DLG2: variants seen among roughly 807,000 people sequenced by gnomAD.
The protein encoded by DLG2 is discs large MAGUK scaffold protein 2.
DLG2 carries 45 observed loss-of-function variants against 132.5 expected under a neutral mutation model. The ratio of observed to expected loss-of-function variants is 0.34; its 90% confidence interval spans 0.27 to 0.44. The LOEUF (loss-of-function observed/expected upper bound fraction) is 0.44. Ranked by LOEUF, DLG2 falls within the 20% of genes least tolerant of loss-of-function variation. DLG2 has a pLI of 1.00. For synonymous variants in DLG2, 424 were observed against 419.6 expected, an observed-to-expected ratio of 1.01 and a Z score of -0.13; for missense variants, 1,045 against 1,196.9, an observed-to-expected ratio of 0.87 and a Z score of 1.87.
intron 6 of DLG2, among the ~76,000 whole-genome samples, chr11:84,731,749 G>T (rs1395404739): frequency 6.6e-6 from 1 of 151,886 alleles, no homozygotes; most frequent in Non-Finnish European, 1.5e-5. Flanking sequence ...AACTACAGAA[G>T]AAATATTTTA....
intron 2 of DLG2, among the ~76,000 whole-genome samples, chr11:85,620,235 A>G (rs147554952): frequency 4.2e-4 from 64 of 152,286 alleles, no homozygotes; most frequent in African/African-American, 1.5e-3. Flanking sequence ...ATACCCACAT[A>G]AGACAGCAAA....
intron 16 of DLG2, among the ~76,000 whole-genome samples, chr11:83,871,741 C>T (rs2063488933): frequency 6.6e-6 from 1 of 152,132 alleles, no homozygotes; most frequent in South Asian, 2.1e-4. Context: ...CTAAATATTT[C>T]AGTAATGCTA....
At chr11:84,770,907 C>A (rs2069253835) in intron 6 of DLG2, among the ~76,000 whole-genome samples, 1 of 151,928 alleles carries the variant, frequency 6.6e-6, no homozygotes. Context: ...CCACCTTGGC[C>A]TCCCATAGTG....
chr11:84,206,615 A>T (rs2096668866), intron 8 of DLG2, among the ~76,000 whole-genome samples: 1 of 152,074 alleles, frequency 6.6e-6, no homozygotes. Flanking sequence ...GTAACTCAAC[A>T]TACTAATAAT....
intron 6 of DLG2, among the ~76,000 whole-genome samples, chr11:84,899,656 T>C (rs1043728501): frequency 3.9e-5 from 6 of 152,036 alleles, no homozygotes; most frequent in African/African-American, 1.4e-4. Flanking sequence ...AGCTACCCCA[T>C]AATCTATTCC....
intron 7 of DLG2, among the ~76,000 whole-genome samples, chr11:84,350,284 T>C (rs184842923): frequency 1.3e-5 from 2 of 151,870 alleles, no homozygotes; most frequent in South Asian, 4.2e-4. Flanking sequence ...AGGGGCTTCA[T>C]GAACCTCTTG....
intron 14 of DLG2, among the ~76,000 whole-genome samples, chr11:83,935,174 G>T (rs1199714073): frequency 6.6e-6 from 1 of 152,144 alleles, no homozygotes; most frequent in African/African-American, 2.4e-5. Context: ...GACGTCAAGG[G>T]CTCAGATGCC....
rs187414017 is a variant in DLG2 at position 84,083,608 on chromosome 11, G to T, written c.749+15315C>A. The stretch of plus-strand genomic sequence containing the variant: ...CAGTGGTTAGTTATTTAGAGAGAAG[G>T]TGGTTATAAAGCAAGTCTGGCCTAT... On this transcript the variant is annotated intron_variant, in intron 10 of 27. Coordinates refer to ENST00000376104, the MANE Select transcript of DLG2 (RefSeq NM_001142699.3). 1.8e-4 allele frequency among the ~76,000 whole-genome samples: 27 copies of T among 152,246 alleles called. No individual in the cohort carries two copies. The East Asian group carries it at 4.1e-3, about 23-fold the overall frequency.
intron 6 of DLG2, among the ~76,000 whole-genome samples, chr11:84,777,662 C>T (rs1161722079): frequency 6.6e-6 from 1 of 151,974 alleles, no homozygotes; most frequent in African/African-American, 2.4e-5. Context: ...AACAGCCATT[C>T]TGACTGGGGT....
intron 6 of DLG2, among the ~76,000 whole-genome samples, chr11:85,093,952 A>G (rs185758998): frequency 6.6e-6 from 1 of 152,318 alleles, no homozygotes; most frequent in Non-Finnish European, 1.5e-5. Context: ...AGACAATAAC[A>G]AGGTATAATA....
At chr11:84,815,064 G>GA (rs1376027626) in intron 6 of DLG2, among the ~76,000 whole-genome samples, 1 of 152,060 alleles carries the variant, frequency 6.6e-6, no homozygotes, top group Non-Finnish European at 1.5e-5. Flanking sequence ...CAAAGGTGGA[G>GA]AGCAAGACAG....
At chr11:84,096,312 T>A (rs2097164591) in intron 10 of DLG2, among the ~76,000 whole-genome samples, 1 of 152,136 alleles carries the variant, frequency 6.6e-6, no homozygotes, top group Non-Finnish European at 1.5e-5. Flanking sequence ...CACAATGTCC[T>A]GCACATGATA....
At chr11:84,457,560 G>A (rs1382973634) in intron 7 of DLG2, among the ~76,000 whole-genome samples, 1 of 150,968 alleles carries the variant, frequency 6.6e-6, no homozygotes, top group African/African-American at 2.4e-5. Context: ...AATACACCAG[G>A]GATTTTAGTA....
intron 6 of DLG2, among the ~76,000 whole-genome samples, chr11:84,774,909 G>A (rs566433138): frequency 1.8e-4 from 28 of 151,974 alleles, no homozygotes; most frequent in African/African-American, 2.7e-4. Context: ...AAAAGCAACC[G>A]CAATAAAAAG....
intron 8 of DLG2, among the ~76,000 whole-genome samples, chr11:84,168,994 G>A (rs1409658379): frequency 2.0e-5 from 3 of 151,942 alleles, no homozygotes; most frequent in Non-Finnish European, 2.9e-5. Flanking sequence ...TGTGATACTC[G>A]GTAGGCAAAA....
At chr11:85,482,169 T>G (rs935723882) in intron 3 of DLG2, among the ~76,000 whole-genome samples, 1 of 151,732 alleles carries the variant, frequency 6.6e-6, no homozygotes, top group Non-Finnish European at 1.5e-5. Context: ...CACTTGACCA[T>G]CAGGCCAACT....
chr11:85,049,148 G>A (rs921209199), intron 6 of DLG2, among the ~76,000 whole-genome samples: 1 of 151,900 alleles, frequency 6.6e-6, no homozygotes, highest in Admixed American at 6.6e-5. Context: ...AACTCAGCAC[G>A]TATGTCAAAG....
At chr11:83,483,373 G>T in intron 22 of DLG2, 2 of 1,143,800 alleles carry the variant, frequency 1.7e-6, no homozygotes, top group Non-Finnish European at 2.7e-6. Context: ...AGTCAGTGGA[G>T]TTGAAATGAA....
chr11:85,443,932 T>C (rs900647541), intron 3 of DLG2, among the ~76,000 whole-genome samples: 6 of 152,206 alleles, frequency 3.9e-5, no homozygotes, highest in Admixed American at 2.0e-4. Flanking sequence ...ACAACACAAA[T>C]GTACAACCTC....
Sources: allele counts gnomAD v4.1 joint callset (sites outside exome capture counted in the v4.1 genomes callset), GRCh38; gene constraint gnomAD v4.1.1; transcripts MANE v1.5; gene names NCBI Gene and HGNC (gene_info 2026-07-23, HGNC 2026-07-21).